Variants in SLC22A24 observed in about 807,000 individuals in gnomAD.
SLC22A24 encodes steroid transmembrane transporter SLC22A24.
Under a neutral mutation model 49.8 loss-of-function variants are expected in SLC22A24, and 53 were observed. The observed-to-expected ratio is 1.06, with a 90% CI of 0.85 to 1.34. The LOEUF is 1.34. Among genes scored for constraint, SLC22A24 ranks in the 40% most tolerant of loss-of-function variants. The pLI is 0.00. For synonymous variants in SLC22A24, 302 were observed against 256.4 expected (o/e 1.18, Z -1.70); for missense variants, 786 against 675.9 (o/e 1.16, Z -1.81).
intron 6 of SLC22A24, among the ~76,000 whole-genome samples, chr11:63,091,278 A>C (rs11821844): frequency 3.9e-5 from 6 of 152,150 alleles, no homozygotes; most frequent in African/African-American, 1.2e-4. Flanking sequence ...CTACCAACCA[A>C]AAAAGGGCAA....
chr11:63,117,636 A>G (rs902302148), intron 4 of SLC22A24, among the ~76,000 whole-genome samples: 2 of 152,216 alleles, frequency 1.3e-5, no homozygotes, highest in Non-Finnish European at 2.9e-5. Flanking sequence ...GACCTGTATG[A>G]TAATCCATTT....
At chr11:63,127,106 C>T (rs1040928857) in intron 2 of SLC22A24, among the ~76,000 whole-genome samples, 1 of 152,114 alleles carries the variant, frequency 6.6e-6, no homozygotes, top group Non-Finnish European at 1.5e-5. Flanking sequence ...TTAGGTATTT[C>T]TCCTAATGCT....
At chr11:63,108,839 A>T (rs1273567958) in intron 4 of SLC22A24, among the ~76,000 whole-genome samples, 3 of 140,032 alleles carry the variant, frequency 2.1e-5, no homozygotes, top group Non-Finnish European at 4.7e-5. Context: ...TTGTCTTTAC[A>T]TTTCTTTTTT....
At chr11:63,096,768 A>G (rs894260811) in intron 5 of SLC22A24, among the ~76,000 whole-genome samples, 3 of 152,166 alleles carry the variant, frequency 2.0e-5, no homozygotes, top group South Asian at 2.1e-4. Flanking sequence ...CCTAAGCCAG[A>G]TATTTGAAGA....
chr11:63,134,554 G>T (rs1349671671), intron 2 of SLC22A24, 111 bp downstream of exon 2: 12 of 653,594 alleles, frequency 1.8e-5, no homozygotes, highest in Admixed American at 1.7e-4. Flanking sequence ...AGAGAGATCA[G>T]CACATAGCAC....
chr11:63,140,967 G>T (rs1287217460), intron 1 of SLC22A24, among the ~76,000 whole-genome samples: 1 of 152,196 alleles, frequency 6.6e-6, no homozygotes, highest in African/African-American at 2.4e-5. Context: ...GTATACACAA[G>T]TTGGCTAAGA....
chr11:63,118,091 A>T (rs1427566399), intron 4 of SLC22A24, among the ~76,000 whole-genome samples: 1 of 152,216 alleles, frequency 6.6e-6, no homozygotes, highest in Non-Finnish European at 1.5e-5. Flanking sequence ...CAGGTCAAAT[A>T]GAGACAGCCT....
chr11:63,143,461 T>A lies in SLC22A24; in HGVS notation c.319A>T (p.Asn107Tyr), dbSNP rs2087429742. 1 of 1,592,184 alleles carries A rather than the reference T, an allele frequency of 6.3e-7. No homozygotes were observed. The highest frequency in any genetic ancestry group is 1.4e-5 in the African/African-American group (1 of 73,906). The change falls in exon 1 of 10, where the codon AAC becomes TAC. Residue 107 changes from asparagine (N) to tyrosine (Y), a missense_variant. Physicochemically the swap from Asn to Tyr is moderately radical, Grantham distance 143. Transcript: ENST00000612278. The part of the protein sequence containing the change: ...QLLHLNGTFP[N>Y]TNEPDTEPCV... ...GGCTCCGTGTCTGGCTCATTTGTGT[T>A]GGGGAAGGTCCCGTTCAGGTGAAGG... is the stretch of plus-strand genomic sequence containing the variant.
chr11:63,103,835 T>A (rs1286511488), intron 5 of SLC22A24, among the ~76,000 whole-genome samples: 1 of 152,208 alleles, frequency 6.6e-6, no homozygotes, highest in African/African-American at 2.4e-5. Flanking sequence ...AATTATAATT[T>A]ATTTTATTGG....
At chr11:63,129,571 A>G (rs993782627) in intron 2 of SLC22A24, among the ~76,000 whole-genome samples, 4 of 152,200 alleles carry the variant, frequency 2.6e-5, no homozygotes, top group Non-Finnish European at 5.9e-5. Context: ...CTTGGACAGT[A>G]GGACCATTTT....
At chr11:63,140,831 T>C (rs2087410383) in intron 1 of SLC22A24, among the ~76,000 whole-genome samples, 1 of 152,230 alleles carries the variant, frequency 6.6e-6, no homozygotes, top group Admixed American at 6.5e-5. Context: ...AAAGGGAATG[T>C]AATTTTTTCT....
At chr11:63,085,379 G>A (rs2086981537) in intron 6 of SLC22A24, among the ~76,000 whole-genome samples, 1 of 152,130 alleles carries the variant, frequency 6.6e-6, no homozygotes, top group Admixed American at 6.6e-5. Flanking sequence ...CTTTCTTAAT[G>A]TGGGTAATGA....
intron 5 of SLC22A24, among the ~76,000 whole-genome samples, chr11:63,103,924 T>A (rs1427540820): frequency 6.6e-6 from 1 of 152,220 alleles, no homozygotes; most frequent in African/African-American, 2.4e-5. Flanking sequence ...CTTTCCCCTA[T>A]ACGTCTAGGG....
rs2086970661 is a variant in SLC22A24 at position 63,083,356 on chromosome 11, G to C, written c.1172C>G (p.Thr391Arg). 1.3e-6 allele frequency: 2 copies of C among 1,553,306 alleles called. No individual in the cohort carries two copies. Among genetic ancestry groups the C allele is most frequent in the Non-Finnish European group, 1.7e-6 (2 of 1,147,642 alleles). Residue 391 changes from threonine to arginine, a missense_variant, in exon 7 of 10, where the codon ACA becomes AGA. Physicochemically the swap from Thr to Arg is moderately conservative, Grantham distance 71 (BLOSUM62 -1). Coordinates refer to ENST00000612278, the MANE Select transcript of SLC22A24 (RefSeq NM_001136506.2). The part of the protein sequence containing the change: ...FQILCGAVTF[T>R]ARCVSLLTLN... ...TGTCAAAAGGGAAACACATCTGGCT[G>C]TGAATGTGACAGCTCCACAGAGAAT...
chr11:63,134,847 C>T, intron 1 of SLC22A24, 79 bp from the exon 2 acceptor site: 2 of 968,368 alleles, frequency 2.1e-6, no homozygotes, highest in Non-Finnish European at 1.6e-6. Context: ...CAAACTCCTA[C>T]ATATGGTGTA....
intron 6 of SLC22A24, among the ~76,000 whole-genome samples, chr11:63,089,061 G>A (rs1197587747): frequency 3.3e-5 from 5 of 152,120 alleles, no homozygotes; most frequent in Non-Finnish European, 5.9e-5. Flanking sequence ...TCAAATTCAG[G>A]AAATACAGAG....
At chr11:63,087,857 A>C (rs2086996724) in intron 6 of SLC22A24, among the ~76,000 whole-genome samples, 2 of 152,272 alleles carry the variant, frequency 1.3e-5, no homozygotes, top group South Asian at 4.2e-4. Flanking sequence ...CTGCTTCTCT[A>C]GATTTCTCCT....
At chr11:63,111,828 G>T (rs975819037) in intron 4 of SLC22A24, among the ~76,000 whole-genome samples, 4 of 151,942 alleles carry the variant, frequency 2.6e-5, no homozygotes, top group Non-Finnish European at 4.4e-5. Flanking sequence ...TTTTTGAAGG[G>T]TTTTTTGTGT....
intron 5 of SLC22A24, among the ~76,000 whole-genome samples, chr11:63,099,784 C>A (rs994959380): frequency 6.6e-6 from 1 of 152,012 alleles, no homozygotes; most frequent in African/African-American, 2.4e-5. Context: ...TGCAATTCAA[C>A]CAATGTGATA....
Sources: allele counts gnomAD v4.1 joint callset (sites outside exome capture counted in the v4.1 genomes callset), GRCh38; gene constraint gnomAD v4.1.1; transcripts MANE v1.5; gene names NCBI Gene and HGNC (gene_info 2026-07-23, HGNC 2026-07-21).